TMEM272: variants seen among roughly 807,000 people sequenced by gnomAD.
TMEM272 encodes the protein long intergenic non-protein coding RNA 282.
TMEM272 carries 8 observed loss-of-function variants against 3.7 expected under a neutral mutation model. The ratio of observed to expected loss-of-function variants is 2.17; its 90% CI spans 1.27 to 3.91. The LOEUF (loss-of-function observed/expected upper bound fraction) is 3.91, where lower values mean the gene tolerates loss of function less well. Among genes scored for constraint, TMEM272 ranks in the 30% most tolerant of loss-of-function variants. The probability of loss-of-function intolerance (pLI) is 0.00; values close to 1 mark genes in which losing one functional copy is unlikely to be tolerated. For missense variants in TMEM272, 166 were observed against 91.5 expected (o/e 1.81, Z -3.32); for synonymous variants, 63 against 39.8 (o/e 1.58, Z -2.20).
intron 1 of TMEM272, among the ~76,000 whole-genome samples, chr13:51,843,214 G>C (rs183506298): frequency 1.4e-4 from 22 of 152,240 alleles, no homozygotes; most frequent in Admixed American, 1.3e-3. Flanking sequence ...TGGTTTTTAT[G>C]ACCCAAGATA....
the TMEM272 span, among the ~76,000 whole-genome samples, chr13:51,925,350 A>C: frequency 6.6e-6 from 1 of 152,366 alleles, no homozygotes; most frequent in Non-Finnish European, 1.5e-5. Flanking sequence ...GCCATCTTAC[A>C]TCATCAGCAA....
chr13:51,900,521 C>G, the TMEM272 span, among the ~76,000 whole-genome samples: 2 of 152,110 alleles, frequency 1.3e-5, no homozygotes, highest in East Asian at 3.8e-4. Context: ...TTGATGGGAT[C>G]AGAAAAAAGA....
At chr13:51,853,052 G>T in the TMEM272 span, among the ~76,000 whole-genome samples, 1 of 151,968 alleles carries the variant, frequency 6.6e-6, no homozygotes, top group East Asian at 1.9e-4. Flanking sequence ...TGTTTTGTAT[G>T]TTATATGTAT....
the TMEM272 span, among the ~76,000 whole-genome samples, chr13:51,889,867 C>T: frequency 6.6e-6 from 1 of 152,166 alleles, no homozygotes; most frequent in Non-Finnish European, 1.5e-5. Flanking sequence ...TCTTGAACTT[C>T]TGACCTCAGG....
chr13:51,885,335 G>T, the TMEM272 span, among the ~76,000 whole-genome samples: 1 of 152,244 alleles, frequency 6.6e-6, no homozygotes, highest in South Asian at 2.1e-4. Context: ...TCACAGTTCC[G>T]CATGGCTGGG....
intron 3 of TMEM272, among the ~76,000 whole-genome samples, chr13:51,826,246 A>T (rs1566340499): frequency 6.6e-6 from 1 of 151,830 alleles, no homozygotes; most frequent in Non-Finnish European, 1.5e-5. Flanking sequence ...AGGAACTGGG[A>T]AGGGACTTTG....
At chr13:51,884,436 T>C in the TMEM272 span, among the ~76,000 whole-genome samples, 1 of 152,210 alleles carries the variant, frequency 6.6e-6, no homozygotes, top group Admixed American at 6.5e-5. Context: ...TAGGGTTAGT[T>C]TGATAACAAC....
chr13:51,931,946 A>C, the TMEM272 span, among the ~76,000 whole-genome samples: 1 of 152,184 alleles, frequency 6.6e-6, no homozygotes, highest in Non-Finnish European at 1.5e-5. Context: ...CTATGCCACC[A>C]GCATGTCTCT....
chr13:51,897,863 G>A, the TMEM272 span, among the ~76,000 whole-genome samples: 1 of 141,892 alleles, frequency 7.0e-6, no homozygotes, highest in African/African-American at 2.6e-5. Flanking sequence ...GGAGGCGGAG[G>A]TTGCAGTGAG....
the TMEM272 span, among the ~76,000 whole-genome samples, chr13:51,899,348 T>C: frequency 6.6e-6 from 1 of 152,208 alleles, no homozygotes; most frequent in Non-Finnish European, 1.5e-5. Context: ...ACAGTTATTA[T>C]GTGTCAATTA....
rs1165253008 is a variant in TMEM272 at position 51,815,152 on chromosome 13, T to A, written c.*1599A>T. On this transcript the variant is annotated 3_prime_UTR_variant, in exon 5 of 5. Transcript: ENST00000629372. ...ACAGAGAGGGCAACGTGGGACACAG[T>A]GAGGATGGAATTGGGCATCATAGGT... The A allele has an allele frequency of 2.0e-5, 3 of 152,882 alleles. No individual in the cohort carries two copies. Among genetic ancestry groups the A allele is most frequent in the Middle Eastern group, 3.4e-3 (1 of 296 alleles). 9.5% of individuals were successfully genotyped at this position (152,882 alleles called of 1,614,324 possible).
chr13:51,911,809 G>A, the TMEM272 span, among the ~76,000 whole-genome samples: 10 of 152,090 alleles, frequency 6.6e-5, no homozygotes, highest in South Asian at 8.3e-4. Context: ...AAACTTGCCC[G>A]AGACAGAGCC....
At chr13:51,912,890 TG>T in the TMEM272 span, among the ~76,000 whole-genome samples, 1 of 152,182 alleles carries the variant, frequency 6.6e-6, no homozygotes, top group Non-Finnish European at 1.5e-5. Flanking sequence ...GTTAGACGGA[TG>T]GAAATGACAA....
At chr13:51,925,406 G>C in the TMEM272 span, among the ~76,000 whole-genome samples, 1 of 152,176 alleles carries the variant, frequency 6.6e-6, no homozygotes, top group Non-Finnish European at 1.5e-5. Flanking sequence ...AACAAACAAG[G>C]AAGTGATTCT....
the TMEM272 span, among the ~76,000 whole-genome samples, chr13:51,892,922 C>T: frequency 1.3e-5 from 2 of 152,214 alleles, no homozygotes; most frequent in African/African-American, 2.4e-5. Context: ...TATTAAATTC[C>T]GTCCACAAAA....
At chr13:51,867,438 G>A in the TMEM272 span, among the ~76,000 whole-genome samples, 1 of 152,216 alleles carries the variant, frequency 6.6e-6, no homozygotes, top group Non-Finnish European at 1.5e-5. Context: ...AATACTGGGA[G>A]AGCCTTAAAG....
rs1215193030 is a variant in TMEM272, at chr13:51,814,670, T to C, written c.*2081A>G. ...AATTATTTAGGACCTATGACCAGTA[T>C]TCTCCATTGCAACTGGGGGTGGGCT... is the stretch of plus-strand genomic sequence containing the variant. On this transcript the variant is annotated 3_prime_UTR_variant, in exon 5 of 5. Transcript: ENST00000629372. The C allele has an allele frequency of 6.6e-6, 1 of 152,230 alleles. No homozygotes were observed. The highest frequency in any genetic ancestry group is 1.5e-5 in the Non-Finnish European group (1 of 68,048). The allele number at this position is 152,230 out of a possible 1,614,324, so 9.4% of individuals were successfully genotyped here. A position where few individuals can be genotyped will look rare whatever the true frequency, so the allele number is the denominator to read the frequency against.
chr13:51,908,838 G>A, the TMEM272 span: 37 of 1,436,248 alleles, frequency 2.6e-5, no homozygotes, highest in Middle Eastern at 5.3e-4. Context: ...CTGTTCCCAC[G>A]GAGGTGACAG....
the TMEM272 span, among the ~76,000 whole-genome samples, chr13:51,922,611 T>C: frequency 2.0e-5 from 3 of 152,148 alleles, no homozygotes; most frequent in African/African-American, 4.8e-5. Flanking sequence ...GTTGCAGCTG[T>C]AACAAACTAC....
Sources: allele counts gnomAD v4.1 joint callset (sites outside exome capture counted in the v4.1 genomes callset), GRCh38; gene constraint gnomAD v4.1.1; transcripts MANE v1.5; gene names NCBI Gene and HGNC (gene_info 2026-07-23, HGNC 2026-07-21).